SOX6: variants seen among roughly 807,000 people sequenced by gnomAD.
SOX6 encodes SRY-box transcription factor 6, also known as transcription factor SOX-6.
In SOX6, 11 loss-of-function variants were observed where a neutral mutation model predicts 97.8. The ratio of observed to expected loss-of-function variants is 0.11; its 90% CI spans 0.07 to 0.19. SOX6 has a LOEUF of 0.19. Among genes scored for constraint, SOX6 ranks in the 10% least tolerant of loss-of-function variants. The probability of loss-of-function intolerance (pLI) is 1.00; values close to 1 mark genes in which losing one functional copy is unlikely to be tolerated. For missense variants in SOX6, 810 were observed against 1,039.5 expected, an observed-to-expected ratio of 0.78 and a Z score of 3.04; for synonymous variants, 360 against 371.4, an observed-to-expected ratio of 0.97 and a Z score of 0.35.
intron 4 of SOX6, among the ~76,000 whole-genome samples, chr11:16,491,518 G>GT (rs1860510582): frequency 6.6e-6 from 1 of 151,610 alleles, no homozygotes. Flanking sequence ...GTGTGTGTGT[G>GT]GTGTGCGTGT....
chr11:16,224,979 AG>A (rs931236357), intron 4 of SOX6, among the ~76,000 whole-genome samples: 31 of 152,236 alleles, frequency 2.0e-4, no homozygotes, highest in African/African-American at 7.2e-4. Context: ...CTATGATTCT[AG>A]ATATTACTCT....
chr11:16,425,527 T>A (rs1442131529), intron 1 of SOX6, among the ~76,000 whole-genome samples: 1 of 152,078 alleles, frequency 6.6e-6, no homozygotes, highest in East Asian at 1.9e-4. Context: ...AGTCAAACTA[T>A]CCCTGTTTAC....
chr11:15,998,049 C>T (rs1854283020), intron 13 of SOX6, among the ~76,000 whole-genome samples: 1 of 151,324 alleles, frequency 6.6e-6, no homozygotes, highest in Non-Finnish European at 1.5e-5. Context: ...CACTGCACTC[C>T]AGCCTGGGCA....
chr11:16,655,896 G>A lies in SOX6; in HGVS notation n.430-43636C>T, dbSNP rs1847713390. 4.0e-5 allele frequency among the ~76,000 whole-genome samples: 6 copies of A among 151,872 alleles called. No homozygotes were observed. In the South Asian group the frequency reaches 1.2e-3, roughly 32 times the overall value. On this transcript the variant is annotated intron_variant and non_coding_transcript_variant, in intron 3 of 5. Coordinates refer to the SOX6 transcript ENST00000524520. The stretch of plus-strand genomic sequence containing the variant: ...AGGCAGGAGGATCACTTGAGCCCAG[G>A]AGTTCAAGGCTGCAGTGAGCTATGA...
chr11:16,506,367 C>G (rs1860789230), intron 4 of SOX6, among the ~76,000 whole-genome samples: 1 of 152,180 alleles, frequency 6.6e-6, no homozygotes, highest in African/African-American at 2.4e-5. Flanking sequence ...TTGCCAATTT[C>G]TCCCTTTTGG....
At chr11:16,045,253 CA>C (rs999417948) in intron 12 of SOX6, among the ~76,000 whole-genome samples, 8 of 152,076 alleles carry the variant, frequency 5.3e-5, no homozygotes, top group African/African-American at 1.9e-4. Flanking sequence ...CTTGAATCCC[CA>C]ATCTGCAATG....
chr11:16,004,990 C>A (rs1334859310), intron 13 of SOX6, among the ~76,000 whole-genome samples: 1 of 151,916 alleles, frequency 6.6e-6, no homozygotes, highest in African/African-American at 2.4e-5. Flanking sequence ...GACTGGAACC[C>A]AATACCTACT....
chr11:16,280,070 A>T (rs1043645982), intron 3 of SOX6, among the ~76,000 whole-genome samples: 1 of 152,122 alleles, frequency 6.6e-6, no homozygotes, highest in African/African-American at 2.4e-5. Flanking sequence ...ACTTAATCAA[A>T]AAAGGCCATT....
chr11:16,094,617 T>C (rs2133972105), intron 9 of SOX6, among the ~76,000 whole-genome samples: 1 of 152,038 alleles, frequency 6.6e-6, no homozygotes, highest in South Asian at 2.1e-4. Flanking sequence ...TTGCTAGTTG[T>C]CATCACACAT....
chr11:16,609,750 A>T (rs961034393), intron 4 of SOX6, among the ~76,000 whole-genome samples: 5 of 152,210 alleles, frequency 3.3e-5, no homozygotes, highest in Admixed American at 1.3e-4. Context: ...AGCTCCTAGG[A>T]TCTGTGGGGC....
At chr11:16,311,714 CT>C (rs1485014634) in intron 3 of SOX6, 4 of 152,136 alleles carry the variant, frequency 2.6e-5, no homozygotes, top group Admixed American at 1.3e-4. Flanking sequence ...GCTATACTGT[CT>C]CTCTAAATAT....
At chr11:16,123,239 G>T (rs118152431) in intron 6 of SOX6, among the ~76,000 whole-genome samples, 2 of 152,148 alleles carry the variant, frequency 1.3e-5, no homozygotes, top group African/African-American at 2.4e-5. Context: ...ATCACTGTGA[G>T]CTCATTATGC....
chr11:16,343,028 C>A (rs762579341), intron 1 of SOX6, among the ~76,000 whole-genome samples: 2 of 151,676 alleles, frequency 1.3e-5, no homozygotes, highest in Non-Finnish European at 3.0e-5. Flanking sequence ...CAGATATATT[C>A]TTGATCAATT....
intron 9 of SOX6, among the ~76,000 whole-genome samples, chr11:16,083,168 G>A (rs554171562): frequency 4.6e-5 from 7 of 152,142 alleles, no homozygotes; most frequent in South Asian, 2.1e-4. Flanking sequence ...CATTTCACTC[G>A]GGGAACACAT....
intron 3 of SOX6, among the ~76,000 whole-genome samples, chr11:16,713,832 T>G (rs1257403652): frequency 2.0e-5 from 3 of 152,190 alleles, no homozygotes; most frequent in African/African-American, 7.2e-5. Context: ...AGCTACTAAA[T>G]CATCTCAAGT....
chr11:16,137,576 G>A (rs1850003226), intron 6 of SOX6, among the ~76,000 whole-genome samples: 1 of 152,118 alleles, frequency 6.6e-6, no homozygotes. Flanking sequence ...GAGCCAGTAG[G>A]TATCAATTTT....
rs142724013 is a variant in SOX6 at position 16,630,833 on chromosome 11, A to G, written n.430-18573T>C. On this transcript the variant is annotated intron_variant and non_coding_transcript_variant, in intron 3 of 5. Transcript: ENST00000524520. ...GTTGAATTGAACCCTTTATCATTATATAATGCCTTTCTTTGTCTTTTTTTA... is the reference window on the plus strand; with the variant it reads ...GTTGAATTGAACCCTTTATCATTATGTAATGCCTTTCTTTGTCTTTTTTTA... 1.6e-3 allele frequency among the ~76,000 whole-genome samples: 246 copies of G among 152,294 alleles called. 2 individuals carry two copies. The highest frequency in any genetic ancestry group is 5.8e-3 in the African/African-American group (242 of 41,574).
At chr11:16,511,402 AT>A (rs1344790301) in intron 4 of SOX6, among the ~76,000 whole-genome samples, 1 of 152,128 alleles carries the variant, frequency 6.6e-6, no homozygotes, top group East Asian at 1.9e-4. Context: ...GATTAAACCA[AT>A]TTTTTTAAGC....
chr11:16,672,794 C>A (rs767873431), intron 3 of SOX6, among the ~76,000 whole-genome samples: 5 of 152,076 alleles, frequency 3.3e-5, no homozygotes, highest in Non-Finnish European at 5.9e-5. Flanking sequence ...TGTAATGACC[C>A]TCACAGGCTC....
Sources: allele counts gnomAD v4.1 joint callset (sites outside exome capture counted in the v4.1 genomes callset), GRCh38; gene constraint gnomAD v4.1.1; transcripts MANE v1.5; gene names NCBI Gene and HGNC (gene_info 2026-07-23, HGNC 2026-07-21).